The following F13A1 variants were observed in gnomAD, a reference collection of about 807,000 sequenced individuals.
F13A1 encodes the protein coagulation factor XIII A chain, also known as FSF, A subunit.
In F13A1, 47 loss-of-function variants were observed where a neutral mutation model predicts 80.1. The observed-to-expected ratio is 0.59, with a 90% CI of 0.46 to 0.75. F13A1 has a LOEUF of 0.75. Among genes scored for constraint, F13A1 ranks in the 30% least tolerant of loss-of-function variants. The pLI is 0.00. For missense variants in F13A1, 817 were observed against 930.4 expected (o/e 0.88, Z 1.59); for synonymous variants, 349 against 344.9 (o/e 1.01, Z -0.13).
In F13A1 at chr6:6,236,957, T is replaced by C. The variant is rs148642488; in HGVS notation, c.798+11355A>G. Among the ~76,000 whole-genome samples, 30 of 152,082 alleles carry C rather than the reference T, an allele frequency of 2.0e-4. 1 individual carries two copies. The highest frequency in any genetic ancestry group is 6.5e-4 in the African/African-American group (27 of 41,476). ...GACCAGACTTAATCACAGGTGGAAG[T>C]GGTGTGGTGGATGTCAAATTGTGCT... On this transcript the variant is annotated intron_variant, in intron 6 of 14. Transcript: ENST00000264870.
Position 6,185,426 on chromosome 6 carries a change from G to A in F13A1, c.1306-3285C>T, listed in dbSNP as rs949110192. ...GAGATAGTTTACTGAGAATGATGAT[G>A]TGATCTCATTGTTCAATTCCCACCT... On this transcript the variant is annotated intron_variant, in intron 10 of 14. Coordinates refer to ENST00000264870, the MANE Select transcript of F13A1 (RefSeq NM_000129.4). 1.7e-5 allele frequency among the ~76,000 whole-genome samples: 2 copies of A among 118,428 alleles called. 1 individual carries two copies. The highest frequency in any genetic ancestry group is 2.0e-4 in the Admixed American group (2 of 10,248). 77.7% of individuals were successfully genotyped at this position (118,428 alleles called of 152,430 possible).
At chr6:6,281,820 C>T (rs770538545) in intron 3 of F13A1, among the ~76,000 whole-genome samples, 1 of 151,740 alleles carries the variant, frequency 6.6e-6, no homozygotes, top group Non-Finnish European at 1.5e-5. Flanking sequence ...GGTGAAACCC[C>T]GCCTCTACTA....
intron 10 of F13A1, among the ~76,000 whole-genome samples, chr6:6,189,985 C>G (rs185835434): frequency 6.6e-6 from 1 of 152,290 alleles, no homozygotes; most frequent in South Asian, 2.1e-4. Flanking sequence ...CATTTTCCAT[C>G]GCTGATACCC....
chr6:6,205,262 G>C (rs57767305), intron 8 of F13A1, among the ~76,000 whole-genome samples: 19,421 of 152,274 alleles, frequency 0.13, 1,395 homozygotes, highest in Middle Eastern at 0.18. Flanking sequence ...ATGGCGGGGT[G>C]CACTTGGACA....
Position 6,243,811 on chromosome 6 carries a change from C to T in F13A1, c.798+4501G>A, listed in dbSNP as rs1005764764. Among the ~76,000 whole-genome samples, 4 of 152,180 alleles carry T rather than the reference C, an allele frequency of 2.6e-5. No homozygotes were observed. Among genetic ancestry groups the T allele is most frequent in the African/African-American group, 7.2e-5 (3 of 41,444 alleles). ...GACACAGATCCTCCACTGGTAATGC[C>T]TTGACCCACTGGAGCAAATATGGAT... On this transcript the variant is annotated intron_variant, in intron 6 of 14. Transcript: ENST00000264870. The surrounding 1 kb of genome is among the most constrained non-coding windows in gnomAD (Gnocchi z 4.2).
chr6:6,307,871 AT>A (rs1398103266), intron 2 of F13A1, among the ~76,000 whole-genome samples: 11 of 152,134 alleles, frequency 7.2e-5, no homozygotes, highest in Admixed American at 2.0e-4. Context: ...CTTCCTTGTA[AT>A]TTTTCTAACC....
At position 6,145,670 on chromosome 6, in the gene F13A1, T is replaced by A. The variant is rs753309468; in HGVS notation, c.2148A>T (p.Arg716Ser). 1 of 1,614,034 alleles carries A rather than the reference T, an allele frequency of 6.2e-7. No individual in the cohort carries two copies. Among genetic ancestry groups the A allele is most frequent in the African/African-American group, 1.3e-5 (1 of 74,910 alleles). ...LIASMSSDSL[R>S]HVYGELDVQI... ...GCACGTCCAGCTCGCCATACACATG[T>A]CTCAGGGAGTCACTGCTCATGCTGG... Residue 716 changes from arginine to serine, a missense_variant, in exon 15 of 15, where the codon AGA (arginine) becomes AGT (serine). By Grantham distance (110) the Arg-to-Ser change is moderately radical. Coordinates refer to ENST00000264870, the MANE Select transcript of F13A1 (RefSeq NM_000129.4).
chr6:6,158,904 T>G (rs665517), intron 13 of F13A1, among the ~76,000 whole-genome samples: 27 of 112,874 alleles, frequency 2.4e-4, no homozygotes, highest in Non-Finnish European at 4.3e-4. Flanking sequence ...TTTTTTTCTT[T>G]CTTTTTTTTT....
chr6:6,156,643 G>A (rs1028401824), intron 13 of F13A1, among the ~76,000 whole-genome samples: 1 of 152,178 alleles, frequency 6.6e-6, no homozygotes, highest in Admixed American at 6.5e-5. Flanking sequence ...CACAGGCACT[G>A]CCCCTGCTTT....
intron 3 of F13A1, among the ~76,000 whole-genome samples, chr6:6,270,074 G>A (rs1447265643): frequency 6.6e-6 from 1 of 152,132 alleles, no homozygotes; most frequent in Non-Finnish European, 1.5e-5. Flanking sequence ...GTGTATTATT[G>A]TGCTACAATA....
rs1488648097 is a variant in F13A1, at chr6:6,296,768, A to G, written c.319+8583T>C. ...TCTCCTGCCTAATTGCCCTGGCCAG[A>G]ACTTCCAACACTATGTTGAATAGGA... On this transcript the variant is annotated intron_variant, in intron 3 of 14. Coordinates refer to ENST00000264870, the MANE Select transcript of F13A1 (RefSeq NM_000129.4). Among the ~76,000 whole-genome samples, 293 of 145,174 alleles carry G rather than the reference A, an allele frequency of 2.0e-3. 11 individuals are homozygous for G. The highest frequency in any genetic ancestry group is 7.6e-3 in the African/African-American group (284 of 37,202).
chr6:6,170,217 TCTGA>T (rs760240889), intron 12 of F13A1, among the ~76,000 whole-genome samples: 2 of 152,230 alleles, frequency 1.3e-5, no homozygotes, highest in Non-Finnish European at 2.9e-5. Context: ...AATGACTTCT[TCTGA>T]CTATTTCTAG....
intron 11 of F13A1, among the ~76,000 whole-genome samples, chr6:6,179,091 CA>C (rs780774547): frequency 7.6e-4 from 116 of 152,204 alleles, no homozygotes; most frequent in Non-Finnish European, 8.2e-4. Context: ...GTTTTTAACA[CA>C]GCAGATATTT....
chr6:6,284,194 T>C (rs1409077381), intron 3 of F13A1, among the ~76,000 whole-genome samples: 2 of 152,252 alleles, frequency 1.3e-5, no homozygotes, highest in Non-Finnish European at 2.9e-5. Context: ...GCACTGTCTT[T>C]ATGAATCATC....
chr6:6,304,964 A>G, intron 3 of F13A1: 1 of 344,740 alleles, frequency 2.9e-6, no homozygotes, highest in South Asian at 2.5e-5. Flanking sequence ...ATCAGAGCAG[A>G]ATCAACTTTC....
intron 3 of F13A1, among the ~76,000 whole-genome samples, chr6:6,273,958 G>T (rs1211161403): frequency 6.6e-6 from 1 of 152,222 alleles, no homozygotes; most frequent in Admixed American, 6.5e-5. Flanking sequence ...CAACTAAGAG[G>T]AGAGAAACAC....
At chr6:6,297,626 A>G (rs1207501503) in intron 3 of F13A1, among the ~76,000 whole-genome samples, 1 of 148,304 alleles carries the variant, frequency 6.7e-6, no homozygotes, top group Non-Finnish European at 1.5e-5. Flanking sequence ...TGTCTATTTG[A>G]TTCTTCTCTC....
intron 8 of F13A1, among the ~76,000 whole-genome samples, chr6:6,208,996 A>G (rs993078448): frequency 4.6e-5 from 7 of 152,218 alleles, no homozygotes; most frequent in Non-Finnish European, 8.8e-5. Context: ...GTTGGATTTT[A>G]TAAAAATTAA....
intron 3 of F13A1, among the ~76,000 whole-genome samples, chr6:6,277,866 T>C (rs1292129003): frequency 6.6e-6 from 1 of 152,246 alleles, no homozygotes; most frequent in Non-Finnish European, 1.5e-5. Context: ...TAAATGTTCA[T>C]AGCTCCTCCT....
Sources: gnomAD v4.1 joint callset for allele counts (sites outside exome capture counted in the v4.1 genomes callset) on GRCh38, gnomAD v4.1.1 for gene constraint, Gnocchi (gnomAD v3.1) non-coding constraint, MANE v1.5 for transcripts, NCBI Gene and HGNC (gene_info 2026-07-23, HGNC 2026-07-21) for gene names.